Variants in NEK11 observed in about 807,000 individuals in gnomAD.
NEK11 encodes NIMA related kinase 11, also known as serine/threonine-protein kinase Nek11.
A neutral mutation model predicts 80.7 loss-of-function variants in NEK11; 72 were observed. The observed-to-expected ratio is 0.89, with a 90% CI of 0.74 to 1.08. NEK11 has a LOEUF of 1.08. Ranked by LOEUF, NEK11 falls within the 50% of genes least tolerant of loss-of-function variation. The pLI is 0.00. For synonymous variants in NEK11, 251 were observed against 260.7 expected (o/e 0.96, Z 0.36); for missense variants, 764 against 763.6 (o/e 1.00, Z -0.01).
chr3:131,105,222 C>T (rs2079008138), intron 4 of NEK11, among the ~76,000 whole-genome samples: 1 of 152,124 alleles, frequency 6.6e-6, no homozygotes, highest in Non-Finnish European at 1.5e-5. Context: ...AAGGTAAAAA[C>T]AAAACAAACA....
At chr3:131,223,268 A>G (rs996293450) in intron 14 of NEK11, among the ~76,000 whole-genome samples, 1 of 152,214 alleles carries the variant, frequency 6.6e-6, no homozygotes, top group Non-Finnish European at 1.5e-5. Flanking sequence ...TTTGAAAATG[A>G]AAATGAGTCC....
At chr3:131,079,102 G>A (rs903993697) in intron 3 of NEK11, among the ~76,000 whole-genome samples, 1 of 151,974 alleles carries the variant, frequency 6.6e-6, no homozygotes, top group Non-Finnish European at 1.5e-5. Context: ...AGTTTTCCTA[G>A]CAGAGATAAC....
chr3:131,325,757 TC>T (rs1482338812), intron 17 of NEK11: 4 of 152,122 alleles, frequency 2.6e-5, no homozygotes, highest in Non-Finnish European at 5.9e-5. Context: ...AAACAAAACT[TC>T]CAGTGTACAC....
chr3:131,274,811 G>A (rs1431453395), intron 17 of NEK11, among the ~76,000 whole-genome samples: 7 of 151,186 alleles, frequency 4.6e-5, no homozygotes, highest in Non-Finnish European at 8.9e-5. Flanking sequence ...CTGCCACCGC[G>A]CCTGGCTAAT....
chr3:131,251,212 A>AC (rs2095695998), intron 16 of NEK11, among the ~76,000 whole-genome samples: 1 of 151,870 alleles, frequency 6.6e-6, no homozygotes, highest in Non-Finnish European at 1.5e-5. Context: ...AAAAAAAAAA[A>AC]AAACAAGTTA....
rs959029441 is a variant in NEK11 at position 131,208,207 on chromosome 3, A to G, written c.1400-20321A>G. Among the ~76,000 whole-genome samples, 7 of 152,314 alleles carry G rather than the reference A, an allele frequency of 4.6e-5. No homozygotes were observed. The South Asian group carries it at 1.2e-3, about 27-fold the overall frequency. On this transcript the variant is annotated intron_variant, in intron 14 of 17. Transcript: ENST00000383366. ...ATGGCTAGCCAGTTTTCCCAGCACC[A>G]TTTATTAAATAGGGAATCCTTTCCC... is the stretch of plus-strand genomic sequence containing the variant.
intron 9 of NEK11, among the ~76,000 whole-genome samples, chr3:131,154,468 T>C (rs777446042): frequency 1.3e-5 from 2 of 152,134 alleles, no homozygotes; most frequent in Non-Finnish European, 2.9e-5. Flanking sequence ...AAAGACAGAA[T>C]CCAGCAGGGC....
intron 14 of NEK11, among the ~76,000 whole-genome samples, chr3:131,222,256 T>C (rs751044479): frequency 6.6e-6 from 1 of 152,192 alleles, no homozygotes; most frequent in East Asian, 1.9e-4. Flanking sequence ...CATTAGCTTG[T>C]CTGAACCTTA....
chr3:131,217,641 G>A (rs531193252), intron 14 of NEK11, among the ~76,000 whole-genome samples: 7 of 151,830 alleles, frequency 4.6e-5, no homozygotes, highest in Admixed American at 2.0e-4. Flanking sequence ...GCACATGATC[G>A]GCCACCATCT....
chr3:131,067,879 G>T (rs1224543133), intron 3 of NEK11, among the ~76,000 whole-genome samples: 1 of 152,228 alleles, frequency 6.6e-6, no homozygotes, highest in Non-Finnish European at 1.5e-5. Flanking sequence ...ATGTAAGGAA[G>T]ATTTTCTTCA....
chr3:131,178,031 A>G (rs1352604283), intron 14 of NEK11, among the ~76,000 whole-genome samples: 1 of 152,242 alleles, frequency 6.6e-6, no homozygotes, highest in Non-Finnish European at 1.5e-5. Flanking sequence ...ACTGTCCTGC[A>G]TATTGTAGGC....
At chr3:131,252,295 G>A (rs577346222) in intron 16 of NEK11, among the ~76,000 whole-genome samples, 88 of 152,192 alleles carry the variant, frequency 5.8e-4, no homozygotes, top group Middle Eastern at 3.4e-3. Context: ...TGCCTGCAGA[G>A]CATGTCAAGA....
At chr3:131,332,344 C>A (rs2097104577) in intron 17 of NEK11, among the ~76,000 whole-genome samples, 1 of 152,220 alleles carries the variant, frequency 6.6e-6, no homozygotes. Context: ...GCTGCTGTTA[C>A]CCAGGCAAAC....
intron 16 of NEK11, among the ~76,000 whole-genome samples, chr3:131,255,094 A>C (rs1335053916): frequency 6.7e-6 from 1 of 149,278 alleles, no homozygotes; most frequent in Non-Finnish European, 1.5e-5. Context: ...GAAAGAAAGA[A>C]AGAAAGAAAG....
intron 17 of NEK11, among the ~76,000 whole-genome samples, chr3:131,275,354 AG>A (rs1437522023): frequency 3.9e-5 from 6 of 152,228 alleles, no homozygotes; most frequent in African/African-American, 1.4e-4. Flanking sequence ...ACTTTTGCAA[AG>A]TACACAATAC....
Position 131,207,878 on chromosome 3 carries a change from T to G in NEK11, c.1400-20650T>G, listed in dbSNP as rs991749292. Among the ~76,000 whole-genome samples the G allele has an allele frequency of 2.8e-4, 43 of 152,238 alleles. 1 individual carries two copies. Among genetic ancestry groups the G allele is most frequent in the Admixed American group, 2.2e-3 (34 of 15,284 alleles). On this transcript the variant is annotated intron_variant, in intron 14 of 17. Coordinates refer to ENST00000383366, the MANE Select transcript of NEK11 (RefSeq NM_024800.5). The stretch of plus-strand genomic sequence containing the variant: ...TTCTGTATATTAGCCCTTTGTCAGA[T>G]GGGTAGATTGCAAAAATTTTCTCCC...
At chr3:131,109,968 A>G (rs1227515849) in intron 5 of NEK11, 47 bp downstream of exon 5, 2 of 1,536,564 alleles carry the variant, frequency 1.3e-6, no homozygotes, top group Non-Finnish European at 1.7e-6. Context: ...TTTAACAGTC[A>G]TGTTTGAACT....
intron 7 of NEK11, among the ~76,000 whole-genome samples, chr3:131,141,518 G>A (rs1447266212): frequency 6.6e-6 from 1 of 152,234 alleles, no homozygotes. Flanking sequence ...TCTCATTCAT[G>A]AAGGGCCTCA....
At chr3:131,338,189 T>TC (rs2097220077) in intron 17 of NEK11, among the ~76,000 whole-genome samples, 1 of 151,680 alleles carries the variant, frequency 6.6e-6, no homozygotes, top group African/African-American at 2.4e-5. Flanking sequence ...ATGGTCTTGA[T>TC]CTCCTGCCCT....
Sources: gnomAD v4.1 joint callset for allele counts (sites outside exome capture counted in the v4.1 genomes callset) on GRCh38, gnomAD v4.1.1 for gene constraint, MANE v1.5 for transcripts, NCBI Gene and HGNC (gene_info 2026-07-23, HGNC 2026-07-21) for gene names.